AKAP8L: variants seen among roughly 807,000 people sequenced by gnomAD.
AKAP8L encodes the protein A-kinase anchor protein 8-like.
AKAP8L carries 34 observed loss-of-function variants against 77.5 expected under a neutral mutation model. That is an observed-to-expected ratio of 0.44 (90% CI 0.33 to 0.58). AKAP8L has a LOEUF of 0.58. Ranked by LOEUF, AKAP8L falls within the 20% of genes least tolerant of loss-of-function variation. The pLI, the probability that AKAP8L is intolerant of heterozygous loss-of-function variation, is 0.02. For missense variants in AKAP8L, 806 were observed against 887.6 expected (o/e 0.91, Z 1.17); for synonymous variants, 342 against 340.7 (o/e 1.00, Z -0.04).
intron 1 of AKAP8L, among the ~76,000 whole-genome samples, chr19:15,417,460 C>T (rs557233939): frequency 6.6e-6 from 1 of 152,150 alleles, no homozygotes; most frequent in Non-Finnish European, 1.5e-5. Flanking sequence ...AGCAGGGCAG[C>T]ATCCCAAACC....
chr19:15,401,570 G>A lies in AKAP8L; in HGVS notation c.396C>T (p.Ala132=), dbSNP rs373203921. ...YDSYESCDSR[A]VLSERDLYRS... ...GGTACAGGTCGCGCTCACTCAGGAC[G>A]GCCCTCGAGTCGCAGGACTCATAAG... The change falls in exon 5 of 14, where the codon GCC becomes GCT. Residue 132 remains alanine, a synonymous_variant. Coordinates refer to ENST00000397410, the MANE Select transcript of AKAP8L (RefSeq NM_014371.4). This position sits in a 1 kb window ranked among gnomAD's most constrained non-coding sequence, Gnocchi z 6.2. 61 of 1,610,266 alleles carry A rather than the reference G, an allele frequency of 3.8e-5. No homozygotes were observed. The highest frequency in any genetic ancestry group is 1.6e-4 in the Middle Eastern group (1 of 6,078).
At chr19:15,386,788 A>C in intron 12 of AKAP8L, among the ~76,000 whole-genome samples, 1 of 152,148 alleles carries the variant, frequency 6.6e-6, no homozygotes, top group East Asian at 1.9e-4. Flanking sequence ...CCTTCCGAGT[A>C]GCTGGGATTA....
In AKAP8L at chr19:15,414,214, G is replaced by A. The variant is rs192400641; in HGVS notation, c.14-3620C>T. On this transcript the variant is annotated intron_variant, in intron 1 of 13. Transcript: ENST00000397410. ...CGAGTAGCTGGGATTACAGGCATGC[G>A]CCACTACGCATTTTGTATTTTTAGT... 3.4e-3 allele frequency among the ~76,000 whole-genome samples: 512 copies of A among 151,958 alleles called. 11 individuals carry two copies. Among genetic ancestry groups the A allele is most frequent in the Non-Finnish European group, 4.6e-3 (313 of 67,962 alleles).
chr19:15,411,522 G>A (rs1029752419), intron 1 of AKAP8L, among the ~76,000 whole-genome samples: 2 of 151,898 alleles, frequency 1.3e-5, no homozygotes, highest in Non-Finnish European at 2.9e-5. Context: ...TACTTGGGAG[G>A]CTGAGGTGGG....
intron 12 of AKAP8L, among the ~76,000 whole-genome samples, chr19:15,382,426 C>G (rs1270240457): frequency 6.6e-6 from 1 of 152,066 alleles, no homozygotes; most frequent in Middle Eastern, 3.2e-3. Flanking sequence ...TGGTCTTGAG[C>G]TCCTGAGCTC....
intron 1 of AKAP8L, among the ~76,000 whole-genome samples, chr19:15,411,502 T>A (rs1968104581): frequency 6.7e-6 from 1 of 150,252 alleles, no homozygotes. Context: ...CATGTGCCTG[T>A]AGTCCTAGCT....
chr19:15,416,817 G>C (rs1284307449), intron 1 of AKAP8L, among the ~76,000 whole-genome samples: 2 of 152,118 alleles, frequency 1.3e-5, no homozygotes, highest in South Asian at 2.1e-4. Flanking sequence ...AAGGTAACAG[G>C]GTTCAAAAGC....
In AKAP8L at chr19:15,398,144, T is replaced by G; in HGVS notation, c.1158-289A>C. 1 of 448,160 alleles carries G rather than the reference T, an allele frequency of 2.2e-6. No homozygotes were observed. The highest frequency in any genetic ancestry group is 4.1e-6 in the Non-Finnish European group (1 of 243,400). 27.8% of individuals were successfully genotyped at this position (448,160 alleles called of 1,614,324 possible). On this transcript the variant is annotated intron_variant, in intron 9 of 13. Coordinates refer to ENST00000397410, the MANE Select transcript of AKAP8L (RefSeq NM_014371.4). This position sits in a 1 kb window ranked among gnomAD's most constrained non-coding sequence, Gnocchi z 9.2. ...GCTGCTGCAACAGGCAACGAGTCGC[T>G]GGAAAGTTGCTGGAGGGCCTCGCTA...
chr19:15,380,112 C>G lies in AKAP8L; in HGVS notation c.*10G>C. The G allele has an allele frequency of 3.4e-6, 5 of 1,473,498 alleles. No homozygotes were observed. The highest frequency in any genetic ancestry group is 4.4e-6 in the Non-Finnish European group (5 of 1,123,752). The allele number at this position is 1,473,498 out of a possible 1,614,324, so 91.3% of individuals were successfully genotyped here. A position where few individuals can be genotyped will look rare whatever the true frequency, so the allele number is the denominator to read the frequency against. Reference sequence around the variant, plus strand: ...TCGGCCACGCGGGCTCCGCCCGCCCCGAGCTCGGGTCACGGGGCGCCCCCG... The same window carrying G: ...TCGGCCACGCGGGCTCCGCCCGCCCGGAGCTCGGGTCACGGGGCGCCCCCG... On this transcript the variant is annotated 3_prime_UTR_variant, in exon 14 of 14. Coordinates refer to ENST00000397410, the MANE Select transcript of AKAP8L (RefSeq NM_014371.4).
chr19:15,399,182 A>G lies in AKAP8L; in HGVS notation c.1157+120T>C. 1 of 856,686 alleles carries G rather than the reference A, an allele frequency of 1.2e-6. No individual in the cohort carries two copies. Among genetic ancestry groups the G allele is most frequent in the Non-Finnish European group, 1.9e-6 (1 of 529,466 alleles). 53.1% of individuals were successfully genotyped at this position (856,686 alleles called of 1,614,324 possible). On this transcript the variant is annotated intron_variant, in intron 9 of 13. Coordinates refer to ENST00000397410, the MANE Select transcript of AKAP8L (RefSeq NM_014371.4). The surrounding 1 kb of genome is among the most constrained non-coding windows in gnomAD (Gnocchi z 6.1). The stretch of plus-strand genomic sequence containing the variant: ...GGGAAGCAGGGTCCATGCACGGCCG[A>G]GCAGGTGGCGGCTCCCAAGGGAGGC...
chr19:15,400,551 TGTGCCA>T (rs1967872044), intron 7 of AKAP8L, 193 bp from the exon 8 acceptor site: 1 of 723,048 alleles, frequency 1.4e-6, no homozygotes, highest in East Asian at 2.7e-5. Context: ...GGCCCGGCTA[TGTGCCA>T]GAAACCTCAC....
chr19:15,398,175 G>C lies in AKAP8L; in HGVS notation c.1158-320C>G, dbSNP rs1192143506. The C allele has an allele frequency of 2.5e-6, 1 of 395,968 alleles. No individual in the cohort carries two copies. The highest frequency in any genetic ancestry group is 3.7e-5 in the Admixed American group (1 of 26,940). 24.5% of individuals were successfully genotyped at this position (395,968 alleles called of 1,614,324 possible). ...GTTGCTGGAGGGCCTCGCTACCAAG[G>C]CTGGGCAGGAGCGTGTGCACTTGGC... is the stretch of plus-strand genomic sequence containing the variant. On this transcript the variant is annotated intron_variant, in intron 9 of 13. Coordinates refer to ENST00000397410, the MANE Select transcript of AKAP8L (RefSeq NM_014371.4). This position sits in a 1 kb window ranked among gnomAD's most constrained non-coding sequence, Gnocchi z 9.2.
chr19:15,382,914 TG>T (rs767043701), intron 12 of AKAP8L, among the ~76,000 whole-genome samples: 31 of 152,340 alleles, frequency 2.0e-4, no homozygotes, highest in Non-Finnish European at 4.1e-4. Flanking sequence ...GAACTCAATC[TG>T]TATATGTTAT....
chr19:15,409,913 T>TTAA (rs1968074905), intron 2 of AKAP8L, among the ~76,000 whole-genome samples: 1 of 152,036 alleles, frequency 6.6e-6, no homozygotes, highest in African/African-American at 2.4e-5. Flanking sequence ...TGGGACTAAG[T>TTAA]TAATAGCTTG....
rs933118876 is a variant in AKAP8L at position 15,405,158 on chromosome 19, G to A, written c.89-1116C>T. On this transcript the variant is annotated intron_variant, in intron 2 of 13. Transcript: ENST00000397410. Reference sequence around the variant, plus strand: ...GAGAGATGCTAACAGCCAGAGAGCAGCATGGGTAAGTCAGGAGTGGTAGCT... The same window carrying A: ...GAGAGATGCTAACAGCCAGAGAGCAACATGGGTAAGTCAGGAGTGGTAGCT... Among the ~76,000 whole-genome samples the A allele has an allele frequency of 5.9e-5, 9 of 152,318 alleles. No homozygotes were observed. The East Asian group carries it at 1.7e-3, about 29-fold the overall frequency.
intron 12 of AKAP8L, among the ~76,000 whole-genome samples, chr19:15,393,691 CAG>C (rs771541759): frequency 1.3e-5 from 2 of 152,092 alleles, no homozygotes; most frequent in African/African-American, 2.4e-5. Context: ...GAGGCCAAGA[CAG>C]GGGGATCACC....
At position 15,398,093 on chromosome 19, in the gene AKAP8L, G is replaced by A. The variant is rs958716790; in HGVS notation, c.1158-238C>T. On this transcript the variant is annotated intron_variant, in intron 9 of 13. Transcript: ENST00000397410. This position sits in a 1 kb window ranked among gnomAD's most constrained non-coding sequence, Gnocchi z 9.2. ...GGGGAGGAGCTCTTCCTTCCCACAG[G>A]CAGGAGGCTGAAGCCTGAGACAGCA... The A allele has an allele frequency of 3.7e-6, 2 of 535,102 alleles. No individual in the cohort carries two copies. The highest frequency in any genetic ancestry group is 1.9e-5 in the African/African-American group (1 of 52,738). The allele number at this position is 535,102 out of a possible 1,614,324, so 33.1% of individuals were successfully genotyped here. A position where few individuals can be genotyped will look rare whatever the true frequency, so the allele number is the denominator to read the frequency against.
At chr19:15,389,206 C>T (rs1168050926) in intron 12 of AKAP8L, among the ~76,000 whole-genome samples, 3 of 130,702 alleles carry the variant, frequency 2.3e-5, no homozygotes, top group Non-Finnish European at 4.7e-5. Flanking sequence ...GCCTAGGCAA[C>T]AGAGCGAGAC....
intron 12 of AKAP8L, among the ~76,000 whole-genome samples, chr19:15,388,161 C>G (rs1320627109): frequency 6.6e-6 from 1 of 151,116 alleles, no homozygotes. Context: ...AGACACACCA[C>G]CAGTTTCATA....
Sources: gnomAD v4.1 joint callset for allele counts (sites outside exome capture counted in the v4.1 genomes callset) on GRCh38, gnomAD v4.1.1 for gene constraint, Gnocchi (gnomAD v3.1) non-coding constraint, MANE v1.5 for transcripts, NCBI Gene and HGNC (gene_info 2026-07-23, HGNC 2026-07-21) for gene names.